The following TBC1D4 variants were observed in gnomAD, a reference collection of about 807,000 sequenced individuals.
TBC1D4 encodes the protein TBC (Tre-2, BUB2, CDC16) domain-containing protein.
A neutral mutation model predicts 142.5 loss-of-function variants in TBC1D4; 121 were observed. That is an observed-to-expected ratio of 0.85 (90% confidence interval 0.73 to 0.99). The LOEUF is 0.99. TBC1D4 is among the 50% of genes least tolerant of loss of function. TBC1D4 has a pLI of 0.00. For synonymous variants in TBC1D4, 630 were observed against 628.2 expected (o/e 1.00, Z -0.04); for missense variants, 1,475 against 1,606.6 (o/e 0.92, Z 1.40).
intron 1 of TBC1D4, among the ~76,000 whole-genome samples, chr13:75,434,187 T>C (rs1292967156): frequency 2.0e-5 from 3 of 152,194 alleles, no homozygotes; most frequent in African/African-American, 7.2e-5. Context: ...TATAAGTCAT[T>C]CTGCCACAAA....
chr13:75,376,976 G>A (rs976794698), intron 1 of TBC1D4, among the ~76,000 whole-genome samples: 1 of 152,188 alleles, frequency 6.6e-6, no homozygotes, highest in Non-Finnish European at 1.5e-5. Context: ...GCCACTGAGG[G>A]TTAACTGTGT....
intron 1 of TBC1D4, among the ~76,000 whole-genome samples, chr13:75,379,499 G>A (rs947450492): frequency 3.3e-5 from 5 of 152,068 alleles, no homozygotes; most frequent in African/African-American, 9.7e-5. Flanking sequence ...CCTAACATGA[G>A]TTCAATACTT....
At chr13:75,287,963 T>C (rs1435855893) in intron 20 of TBC1D4, among the ~76,000 whole-genome samples, 1 of 152,174 alleles carries the variant, frequency 6.6e-6, no homozygotes, top group Non-Finnish European at 1.5e-5. Context: ...GGTCACCTGC[T>C]AGCCCCCATC....
intron 1 of TBC1D4, among the ~76,000 whole-genome samples, chr13:75,460,317 G>C (rs1260080764): frequency 2.0e-5 from 3 of 152,110 alleles, no homozygotes; most frequent in Admixed American, 6.6e-5. Flanking sequence ...GCCATAAACA[G>C]GGAAGCACAA....
chr13:75,481,265 C>G lies in TBC1D4; in HGVS notation c.498+5G>C. On this transcript the variant is annotated splice_donor_5th_base_variant and intron_variant, in intron 1 of 20. Coordinates refer to ENST00000377636, the MANE Select transcript of TBC1D4 (RefSeq NM_014832.5). ...CGCCCCCGCGCCTCCGAGCCCCTGTCTTGCCTGGCTGGGGTCTGTGGCGCG... is the reference window on the plus strand; with the variant it reads ...CGCCCCCGCGCCTCCGAGCCCCTGTGTTGCCTGGCTGGGGTCTGTGGCGCG... 1 of 1,483,898 alleles carries G rather than the reference C, an allele frequency of 6.7e-7. No homozygotes were observed. Among genetic ancestry groups the G allele is most frequent in the Non-Finnish European group, 9.1e-7 (1 of 1,097,866 alleles). 91.9% of individuals were successfully genotyped at this position (1,483,898 alleles called of 1,614,324 possible).
intron 1 of TBC1D4, among the ~76,000 whole-genome samples, chr13:75,387,509 T>C (rs1884246494): frequency 6.6e-6 from 1 of 152,240 alleles, no homozygotes; most frequent in Non-Finnish European, 1.5e-5. Context: ...ACACTGATCT[T>C]TGGGGAAATA....
chr13:75,447,652 C>T (rs145421709), intron 1 of TBC1D4, among the ~76,000 whole-genome samples: 13 of 152,154 alleles, frequency 8.5e-5, no homozygotes, highest in African/African-American at 3.1e-4. Flanking sequence ...AGGACCTAGG[C>T]GTCACAGCAG....
chr13:75,415,751 AAG>A (rs1164310413), intron 1 of TBC1D4, among the ~76,000 whole-genome samples: 1 of 152,212 alleles, frequency 6.6e-6, no homozygotes, highest in Non-Finnish European at 1.5e-5. Flanking sequence ...TCTTAGATGA[AAG>A]AGTTTTGCTT....
chr13:75,440,338 C>T (rs1338984562), intron 1 of TBC1D4, among the ~76,000 whole-genome samples: 1 of 151,718 alleles, frequency 6.6e-6, no homozygotes, highest in Non-Finnish European at 1.5e-5. Flanking sequence ...GGGCAGTAAG[C>T]CAGGCAAAAA....
chr13:75,324,794 CTT>C (rs1044265398), intron 10 of TBC1D4, among the ~76,000 whole-genome samples: 2 of 152,186 alleles, frequency 1.3e-5, no homozygotes, highest in African/African-American at 4.8e-5. Context: ...AGTTCAAAGA[CTT>C]TGACTATTTT....
At chr13:75,412,232 CT>C (rs1361371142) in intron 1 of TBC1D4, among the ~76,000 whole-genome samples, 2 of 152,118 alleles carry the variant, frequency 1.3e-5, no homozygotes, top group African/African-American at 4.8e-5. Flanking sequence ...TAAGTAACCC[CT>C]TTATGGCTTC....
intron 1 of TBC1D4, among the ~76,000 whole-genome samples, chr13:75,412,270 T>C (rs1311331074): frequency 6.6e-6 from 1 of 151,756 alleles, no homozygotes; most frequent in Non-Finnish European, 1.5e-5. Context: ...CTAAAAGACG[T>C]GGGGTTTTTT....
chr13:75,372,340 C>A (rs1883266021), intron 1 of TBC1D4, among the ~76,000 whole-genome samples: 1 of 151,840 alleles, frequency 6.6e-6, no homozygotes, highest in African/African-American at 2.4e-5. Context: ...ACGATCTCAG[C>A]TCACTGCAGG....
At chr13:75,296,925 C>T (rs1875990827) in intron 17 of TBC1D4, among the ~76,000 whole-genome samples, 1 of 152,056 alleles carries the variant, frequency 6.6e-6, no homozygotes, top group Non-Finnish European at 1.5e-5. Context: ...CCCAAGCCAC[C>T]AAGAGAGAAG....
chr13:75,321,015 G>A (rs1878725249), intron 11 of TBC1D4, among the ~76,000 whole-genome samples: 1 of 151,196 alleles, frequency 6.6e-6, no homozygotes, highest in African/African-American at 2.4e-5. Flanking sequence ...ACTCCAGCCC[G>A]GGCGACACAG....
intron 1 of TBC1D4, among the ~76,000 whole-genome samples, chr13:75,462,010 G>C (rs1472091328): frequency 6.6e-6 from 1 of 152,136 alleles, no homozygotes; most frequent in Non-Finnish European, 1.5e-5. Context: ...CACTTGATTA[G>C]CCTCAACCAA....
intron 14 of TBC1D4, among the ~76,000 whole-genome samples, chr13:75,309,589 T>C (rs1019116746): frequency 2.6e-5 from 4 of 152,172 alleles, no homozygotes; most frequent in African/African-American, 9.7e-5. Context: ...TATTTAAGGA[T>C]TTTTTAGAAG....
intron 1 of TBC1D4, among the ~76,000 whole-genome samples, chr13:75,401,025 C>T (rs563753123): frequency 2.6e-5 from 4 of 152,294 alleles, no homozygotes; most frequent in East Asian, 3.9e-4. Context: ...TCTAAATAAA[C>T]AAGCTTTAGT....
chr13:75,371,504 T>C (rs190197001), intron 1 of TBC1D4, among the ~76,000 whole-genome samples: 61 of 152,314 alleles, frequency 4.0e-4, no homozygotes, highest in Admixed American at 7.8e-4. Context: ...TTTAATTTTC[T>C]CTGTAAAATA....
Sources: gnomAD v4.1 joint callset for allele counts (sites outside exome capture counted in the v4.1 genomes callset) on GRCh38, gnomAD v4.1.1 for gene constraint, MANE v1.5 for transcripts, NCBI Gene and HGNC (gene_info 2026-07-23, HGNC 2026-07-21) for gene names.